NUP98: variants seen among roughly 807,000 people sequenced by gnomAD.
NUP98 encodes nucleoporin 98 and 96 precursor, also known as nuclear pore complex protein Nup98-Nup96.
In NUP98, 26 loss-of-function variants were observed where a neutral mutation model predicts 191.9. The observed-to-expected ratio is 0.14, with a 90% CI of 0.10 to 0.19. NUP98 has a LOEUF of 0.19. Among genes scored for constraint, NUP98 ranks in the 10% least tolerant of loss-of-function variants. The pLI, the probability that NUP98 is intolerant of heterozygous loss-of-function variation, is 1.00. For synonymous variants in NUP98, 808 were observed against 778.4 expected (o/e 1.04, Z -0.63); for missense variants, 1,941 against 2,178.8 (o/e 0.89, Z 2.17).
intron 14 of NUP98, among the ~76,000 whole-genome samples, chr11:3,729,331 T>A (rs1323486934): frequency 6.6e-6 from 1 of 151,600 alleles, no homozygotes; most frequent in Non-Finnish European, 1.5e-5. Context: ...GGAAGAAAAC[T>A]AGGAAATTGT....
rs1326156675 is a variant in NUP98, at chr11:3,713,856, T to C, written c.2539A>G (p.Lys847Glu). The change falls in exon 19 of 33, where the codon AAA becomes GAA. Residue 847 changes from lysine (K) to glutamate (E), a missense_variant. By Grantham distance (56) the Lys-to-Glu change is moderately conservative. Coordinates refer to ENST00000324932, the MANE Select transcript of NUP98 (RefSeq NM_016320.5). Reference sequence around the variant, plus strand: ...GAACCAGTTTCAGGCCGGTATTCTTTGAATTGAGCTCCCTGTTTCCTTGAA... The same window carrying C: ...GAACCAGTTTCAGGCCGGTATTCTTCGAATTGAGCTCCCTGTTTCCTTGAA... ...AVSRKQGAQF[K>E]EYRPETGSWV... 6.2e-6 allele frequency: 10 copies of C among 1,614,052 alleles called. No individual in the cohort carries two copies. Among genetic ancestry groups the C allele is most frequent in the Middle Eastern group, 1.6e-4 (1 of 6,082 alleles).
intron 12 of NUP98, among the ~76,000 whole-genome samples, chr11:3,743,544 G>A (rs960414837): frequency 2.0e-5 from 3 of 147,926 alleles, no homozygotes; most frequent in Non-Finnish European, 3.0e-5. Flanking sequence ...CTACTCAAGA[G>A]GCTGAGGCGG....
At chr11:3,797,369 T>G (rs2082716680) in intron 1 of NUP98, 31 bp downstream of exon 1, 1 of 401,382 alleles carries the variant, frequency 2.5e-6, no homozygotes, top group Admixed American at 4.4e-5. Flanking sequence ...CCTGCCGGTC[T>G]CGGCCGCTGC....
intron 8 of NUP98, 83 bp downstream of exon 8, chr11:3,768,498 T>C: frequency 1.6e-6 from 2 of 1,250,408 alleles, no homozygotes; most frequent in Non-Finnish European, 2.1e-6. Flanking sequence ...ACAGGTAGAA[T>C]TTGCTAGTTT....
At chr11:3,767,336 T>C (rs1028941675) in intron 8 of NUP98, among the ~76,000 whole-genome samples, 1 of 151,946 alleles carries the variant, frequency 6.6e-6, no homozygotes, top group East Asian at 1.9e-4. Context: ...CTTTTTTTTT[T>C]ATTTTTTTTG....
chr11:3,795,366 A>ATCT (rs2082492594), intron 1 of NUP98, among the ~76,000 whole-genome samples: 2 of 152,210 alleles, frequency 1.3e-5, no homozygotes, highest in South Asian at 4.1e-4. Flanking sequence ...AGATTGCTTG[A>ATCT]GCCCAGGAGG....
At chr11:3,703,114 C>T (rs1376368699) in intron 22 of NUP98, among the ~76,000 whole-genome samples, 1 of 151,290 alleles carries the variant, frequency 6.6e-6, no homozygotes, top group Non-Finnish European at 1.5e-5. Flanking sequence ...ATGATATCTA[C>T]AACAATAATA....
chr11:3,778,749 T>C (rs2081842848), intron 4 of NUP98, 124 bp downstream of exon 4: 8 of 933,972 alleles, frequency 8.6e-6, no homozygotes, highest in South Asian at 1.6e-5. Context: ...GTTTTCCTCT[T>C]CCCTTGTTTT....
At chr11:3,757,929 T>G (rs930315798) in intron 10 of NUP98, among the ~76,000 whole-genome samples, 1 of 152,138 alleles carries the variant, frequency 6.6e-6, no homozygotes, top group African/African-American at 2.4e-5. Flanking sequence ...TATCACAGAT[T>G]ATGATAGTTT....
At chr11:3,784,048 G>C (rs1276435163) in intron 1 of NUP98, among the ~76,000 whole-genome samples, 1 of 152,132 alleles carries the variant, frequency 6.6e-6, no homozygotes, top group Non-Finnish European at 1.5e-5. Context: ...TCTGAAAACA[G>C]TCAATCATGC....
chr11:3,758,213 C>T (rs2081044980), intron 10 of NUP98, among the ~76,000 whole-genome samples: 1 of 150,126 alleles, frequency 6.7e-6, no homozygotes. Context: ...CCCAGCTACT[C>T]GGGAGGCTGA....
intron 1 of NUP98, among the ~76,000 whole-genome samples, chr11:3,787,475 C>A (rs1254361740): frequency 1.3e-5 from 2 of 152,022 alleles, no homozygotes; most frequent in African/African-American, 2.4e-5. Context: ...CCCAGCTACT[C>A]GAGAGACTGA....
At chr11:3,701,255 A>ATT (rs71041374) in intron 23 of NUP98, among the ~76,000 whole-genome samples, 63 of 125,830 alleles carry the variant, frequency 5.0e-4, no homozygotes, top group Admixed American at 6.4e-4. Flanking sequence ...GCTTGTTCCA[A>ATT]TTTTTTTTTT....
intron 28 of NUP98, among the ~76,000 whole-genome samples, chr11:3,690,151 C>G (rs553704857): frequency 9.9e-5 from 15 of 151,628 alleles, no homozygotes; most frequent in Non-Finnish European, 1.3e-4. Flanking sequence ...GGGGTTTCAC[C>G]ATGTTGGCCA....
At chr11:3,787,119 G>A (rs1287452113) in intron 1 of NUP98, among the ~76,000 whole-genome samples, 1 of 151,142 alleles carries the variant, frequency 6.6e-6, no homozygotes, top group Non-Finnish European at 1.5e-5. Flanking sequence ...CCCTAGATAA[G>A]AAAAGAGGGC....
rs1490476621 is a variant in NUP98, at chr11:3,767,866, G to C, written c.948+715C>G. On this transcript the variant is annotated intron_variant, in intron 8 of 32. Coordinates refer to ENST00000324932, the MANE Select transcript of NUP98 (RefSeq NM_016320.5). ...CTTTGTATGATTCCCAAGGGAACTA[G>C]GTGAACGTTCCCTTAGTTCCTGTTG... 2.6e-5 allele frequency among the ~76,000 whole-genome samples: 4 copies of C among 151,598 alleles called. No homozygotes were observed. In the East Asian group the frequency reaches 7.7e-4, roughly 29 times the overall value.
intron 10 of NUP98, among the ~76,000 whole-genome samples, chr11:3,757,367 G>T (rs1405521270): frequency 6.7e-6 from 1 of 149,820 alleles, no homozygotes; most frequent in Non-Finnish European, 1.5e-5. Context: ...CATGCCTGTA[G>T]TCCCAGCTAC....
intron 28 of NUP98, among the ~76,000 whole-genome samples, chr11:3,687,406 A>AT (rs1381751707): frequency 2.6e-5 from 4 of 152,032 alleles, no homozygotes; most frequent in Admixed American, 6.6e-5. Flanking sequence ...CAATTTACCA[A>AT]TTTTTTTCTC....
chr11:3,714,080 G>C (rs914261302), intron 18 of NUP98, 85 bp from the exon 19 acceptor site: 60 of 1,248,996 alleles, frequency 4.8e-5, no homozygotes, highest in Non-Finnish European at 6.3e-5. Context: ...CACATAAATA[G>C]TGAATAATGG....
Sources: gnomAD v4.1 joint callset for allele counts (sites outside exome capture counted in the v4.1 genomes callset) on GRCh38, gnomAD v4.1.1 for gene constraint, MANE v1.5 for transcripts, NCBI Gene and HGNC (gene_info 2026-07-23, HGNC 2026-07-21) for gene names.